GNPDA1: variants seen among roughly 807,000 people sequenced by gnomAD.
The protein encoded by GNPDA1 is glucosamine-6-phosphate deaminase 1.
A neutral mutation model predicts 28.5 loss-of-function variants in GNPDA1; 24 were observed. That is an observed-to-expected ratio of 0.84 (90% CI 0.61 to 1.19). The LOEUF is 1.19. GNPDA1 is among the 50% of genes most tolerant of loss of function. The probability of loss-of-function intolerance (pLI) is 0.00; values close to 1 mark genes in which losing one functional copy is unlikely to be tolerated. For synonymous variants in GNPDA1, 147 were observed against 139.3 expected, an observed-to-expected ratio of 1.06 and a Z score of -0.39; for missense variants, 264 against 367.3, an observed-to-expected ratio of 0.72 and a Z score of 2.30.
intron 1 of GNPDA1, 132 bp from the exon 2 acceptor site, chr5:142,012,173 C>G: frequency 1.1e-6 from 1 of 902,762 alleles, no homozygotes. Context: ...AGGAAAAAGG[C>G]CTTTCTATTC....
Position 142,005,916 on chromosome 5 carries a change from C to A in GNPDA1, c.409+228G>T, listed in dbSNP as rs138297161. 2.7e-3 allele frequency: 1,213 copies of A among 446,866 alleles called. 14 individuals are homozygous for A. The highest frequency in any genetic ancestry group is 0.022 in the African/African-American group (1,120 of 51,072). 27.7% of individuals were successfully genotyped at this position (446,866 alleles called of 1,614,324 possible). ...TGGGGAGTAGACAGAATCTCAGAGT[C>A]CAAACCCAAACCTCTCAGTTTACAG... is the stretch of plus-strand genomic sequence containing the variant. On this transcript the variant is annotated intron_variant, in intron 4 of 6. Coordinates refer to ENST00000311337, the MANE Select transcript of GNPDA1 (RefSeq NM_005471.5).
intron 6 of GNPDA1, among the ~76,000 whole-genome samples, 177 bp downstream of exon 6, chr5:142,002,908 TGGA>T: frequency 3.3e-5 from 5 of 152,144 alleles, no homozygotes; most frequent in African/African-American, 1.2e-4. Flanking sequence ...TCTCCAGAAA[TGGA>T]TCTTTGCAGT....
rs1326705835 is a variant in GNPDA1 at position 142,001,438 on chromosome 5, C to T, written c.*591G>A. On this transcript the variant is annotated 3_prime_UTR_variant, in exon 7 of 7. Coordinates refer to ENST00000311337, the MANE Select transcript of GNPDA1 (RefSeq NM_005471.5). ...TGGCCCCACCCACCCAAATCCACCC[C>T]CAGGTTCTCCTAGTTCAGAGAAAAG... 1 of 152,322 alleles carries T rather than the reference C, an allele frequency of 6.6e-6. No homozygotes were observed. The highest frequency in any genetic ancestry group is 2.4e-5 in the African/African-American group (1 of 41,430). 9.4% of individuals were successfully genotyped at this position (152,322 alleles called of 1,614,324 possible).
chr5:142,004,811 T>C, intron 5 of GNPDA1, 121 bp downstream of exon 5: 1 of 599,972 alleles, frequency 1.7e-6, no homozygotes, highest in East Asian at 2.8e-5. Flanking sequence ...CAGCAGGGAT[T>C]TTAGCCTTAT....
intron 2 of GNPDA1, among the ~76,000 whole-genome samples, chr5:142,008,340 G>A (rs1411988064): frequency 6.6e-6 from 1 of 152,254 alleles, no homozygotes; most frequent in Non-Finnish European, 1.5e-5. Flanking sequence ...AACGTCAGTT[G>A]TGATAGGGTA....
chr5:142,012,776 G>A, intron 1 of GNPDA1: 1 of 757,952 alleles, frequency 1.3e-6, no homozygotes. Context: ...TGCGGTTAGT[G>A]GGAGTGTGAA....
At chr5:142,011,384 G>C (rs1456859727) in intron 2 of GNPDA1, among the ~76,000 whole-genome samples, 2 of 152,324 alleles carry the variant, frequency 1.3e-5, no homozygotes, top group East Asian at 3.9e-4. Context: ...TTTGTCTTGA[G>C]GAGCTGGGGT....
At chr5:142,005,518 C>T (rs571635602) in intron 4 of GNPDA1, 75 of 167,608 alleles carry the variant, frequency 4.5e-4, no homozygotes, top group Non-Finnish European at 4.7e-4. Flanking sequence ...GTGAACAAAA[C>T]ACCCAGAGAA....
intron 6 of GNPDA1, among the ~76,000 whole-genome samples, 181 bp downstream of exon 6, chr5:142,002,907 A>G (rs252115): frequency 0.88 from 134,372 of 152,238 alleles, 59,555 homozygotes; most frequent in East Asian, 0.98. Context: ...ATCTCCAGAA[A>G]TGGATCTTTG....
chr5:142,011,501 A>C (rs1023853003), intron 2 of GNPDA1, among the ~76,000 whole-genome samples: 2 of 152,324 alleles, frequency 1.3e-5, no homozygotes, highest in African/African-American at 2.4e-5. Context: ...AAATTACCTA[A>C]GTGACTATCT....
Position 142,003,254 on chromosome 5 carries a change from GATC to G in GNPDA1, c.600_602del (p.Met200del). 1 of 1,609,144 alleles carries G rather than the reference GATC, an allele frequency of 6.2e-7. No individual in the cohort carries two copies. Among genetic ancestry groups the G allele is most frequent in the Non-Finnish European group, 8.5e-7 (1 of 1,176,640 alleles). Reference sequence around the variant, plus strand: ...ATGCCTTGTGAGCACCTGTGATAAGGATCATCACCTGGGGATCAGAAAACAAGT... The same window carrying G: ...ATGCCTTGTGAGCACCTGTGATAAGGATCACCTGGGGATCAGAAAACAAGT... On this transcript the variant is annotated inframe_deletion, in exon 6 of 7. Transcript: ENST00000311337. The surrounding 1 kb of genome is among the most constrained non-coding windows in gnomAD (Gnocchi z 4.0).
intron 2 of GNPDA1, among the ~76,000 whole-genome samples, chr5:142,010,919 T>C (rs982184576): frequency 2.0e-5 from 3 of 152,178 alleles, no homozygotes; most frequent in Non-Finnish European, 4.4e-5. Flanking sequence ...TACAGTTTTA[T>C]TGGCATACAA....
At chr5:142,008,823 G>A (rs1275329333) in intron 2 of GNPDA1, among the ~76,000 whole-genome samples, 1 of 151,850 alleles carries the variant, frequency 6.6e-6, no homozygotes, top group Non-Finnish European at 1.5e-5. Context: ...AACCCTGACT[G>A]GACACTGAAT....
rs549236024 is a variant in GNPDA1, at chr5:142,004,298, G to A, written c.594+634C>T. Among the ~76,000 whole-genome samples, 4 of 152,270 alleles carry A rather than the reference G, an allele frequency of 2.6e-5. No individual in the cohort carries two copies. The South Asian group carries it at 6.2e-4, about 24-fold the overall frequency. On this transcript the variant is annotated intron_variant, in intron 5 of 6. Transcript: ENST00000311337. ...CAGGGAAGTTTTCACTGATTTAGAT[G>A]CTTGTTTATTGGCTTGGGCAAAGAA... is the stretch of plus-strand genomic sequence containing the variant.
At chr5:142,007,998 C>T (rs967366481) in intron 2 of GNPDA1, 98 bp from the exon 3 acceptor site, 1 of 715,356 alleles carries the variant, frequency 1.4e-6, no homozygotes, top group African/African-American at 1.8e-5. Flanking sequence ...CAGGGAGAAC[C>T]TGTCAGATCT....
At position 142,007,803 on chromosome 5, in the gene GNPDA1, G is replaced by A. The variant is rs761503549; in HGVS notation, c.222C>T (p.Tyr74=). The A allele has an allele frequency of 2.2e-5, 34 of 1,559,526 alleles. 2 individuals carry two copies. The South Asian group carries it at 2.3e-4, about 11-fold the overall frequency. The part of the protein sequence containing the change: ...KYVKTFNMDE[Y]VGLPRDHPES... ...CCTTGAAAGAGAAAGACTCACCCAC[G>A]TACTCATCCATGTTGAAGGTCTTCA... The change falls in exon 3 of 7, where the codon TAC becomes TAT. Residue 74 remains tyrosine, a synonymous_variant. Transcript: ENST00000311337.
intron 2 of GNPDA1, among the ~76,000 whole-genome samples, chr5:142,010,344 A>C (rs1033358211): frequency 6.6e-6 from 1 of 151,996 alleles, no homozygotes; most frequent in African/African-American, 2.4e-5. Flanking sequence ...TTTTTAGTAG[A>C]GGCAGGGTTT....
At chr5:142,011,548 C>T (rs1220155321) in intron 2 of GNPDA1, among the ~76,000 whole-genome samples, 2 of 152,166 alleles carry the variant, frequency 1.3e-5, no homozygotes, top group Non-Finnish European at 2.9e-5. Flanking sequence ...AGCTGGTACC[C>T]CTCTAGATGC....
chr5:142,005,341 A>G, intron 4 of GNPDA1: 1 of 415,742 alleles, frequency 2.4e-6, no homozygotes, highest in Non-Finnish European at 4.4e-6. Context: ...CCTCCCCATC[A>G]TGTCTATCTG....
Sources: gnomAD v4.1 joint callset for allele counts (sites outside exome capture counted in the v4.1 genomes callset) on GRCh38, gnomAD v4.1.1 for gene constraint, Gnocchi (gnomAD v3.1) non-coding constraint, MANE v1.5 for transcripts, NCBI Gene and HGNC (gene_info 2026-07-23, HGNC 2026-07-21) for gene names.